Variants in SLC15A2 observed in about 807,000 individuals in gnomAD.
The protein encoded by SLC15A2 is solute carrier family 15 member 2.
A neutral mutation model predicts 95.5 loss-of-function variants in SLC15A2; 77 were observed. That is an observed-to-expected ratio of 0.81 (90% CI 0.67 to 0.97). The LOEUF is 0.97. SLC15A2 is among the 50% of genes least tolerant of loss of function. The pLI is 0.00. For missense variants in SLC15A2, 893 were observed against 874.4 expected (o/e 1.02, Z -0.27); for synonymous variants, 306 against 306.9 (o/e 1.00, Z 0.03).
intron 19 of SLC15A2, among the ~76,000 whole-genome samples, chr3:121,932,909 C>A (rs561257504): frequency 2.0e-5 from 3 of 152,110 alleles, no homozygotes; most frequent in Non-Finnish European, 4.4e-5. Flanking sequence ...TATCCCTCCC[C>A]CCTCCGCGCA....
intron 1 of SLC15A2, 59 bp from the exon 2 acceptor site, chr3:121,896,347 T>C: frequency 1.0e-5 from 14 of 1,351,028 alleles, no homozygotes; most frequent in Non-Finnish European, 1.5e-5. Context: ...TGAAGAAATC[T>C]AATTGTTGAA....
intron 13 of SLC15A2, among the ~76,000 whole-genome samples, chr3:121,925,258 ATGG>A (rs35032381): frequency 0.45 from 67,511 of 151,622 alleles, 15,537 homozygotes; most frequent in East Asian, 0.69. Context: ...TAACTGTGTA[ATGG>A]TGGTGGAGGG....
At chr3:121,921,957 A>C (rs1052954513) in intron 7 of SLC15A2, among the ~76,000 whole-genome samples, 1 of 152,220 alleles carries the variant, frequency 6.6e-6, no homozygotes, top group African/African-American at 2.4e-5. Context: ...TTAACAACAT[A>C]CCATTTTGTC....
chr3:121,914,169 T>A (rs1328464734), intron 5 of SLC15A2, among the ~76,000 whole-genome samples: 2 of 152,160 alleles, frequency 1.3e-5, no homozygotes, highest in Non-Finnish European at 2.9e-5. Flanking sequence ...GCAAGTGGGA[T>A]CCTGTGTATG....
At chr3:121,930,770 A>T (rs1254596132) in intron 17 of SLC15A2, 70 bp from the exon 18 acceptor site, 7 of 977,350 alleles carry the variant, frequency 7.2e-6, no homozygotes, top group Non-Finnish European at 1.1e-5. Flanking sequence ...CCCAAAACAT[A>T]AAAGGCCCCT....
At chr3:121,926,334 G>C (rs559512096) in intron 13 of SLC15A2, among the ~76,000 whole-genome samples, 87 of 152,074 alleles carry the variant, frequency 5.7e-4, no homozygotes, top group Non-Finnish European at 1.1e-3. Context: ...CTATCCCGTT[G>C]GTGCTGTCCT....
intron 5 of SLC15A2, 35 bp from the exon 6 acceptor site, chr3:121,915,192 C>A: frequency 6.7e-7 from 1 of 1,488,308 alleles, no homozygotes; most frequent in Non-Finnish European, 9.4e-7. Flanking sequence ...AGCTAGGGGA[C>A]ACATTGCACT....
chr3:121,940,478 GC>G lies in SLC15A2; in HGVS notation c.2005del (p.Leu669TrpfsTer16). The G allele has an allele frequency of 6.2e-7, 1 of 1,613,208 alleles. No individual in the cohort carries two copies. The highest frequency in any genetic ancestry group is 8.5e-7 in the Non-Finnish European group (1 of 1,179,204). Reference sequence around the variant, plus strand: ...GTGCTTGTTGTGGCACAGTTCAGTGGCCTGGTACAGGTATGGATCTGAGGGA... The same window carrying G: ...GTGCTTGTTGTGGCACAGTTCAGTGGCTGGTACAGGTATGGATCTGAGGGA... Reference protein sequence around the residue: ...IIVLVVAQFSGLVQWAEFILF... With the variant: ...IIVLVVAQFSXLVQWAEFILF... On this transcript the variant is annotated frameshift_variant, in exon 21 of 22. Transcript: ENST00000489711. LOFTEE classifies it high-confidence loss of function.
At chr3:121,905,370 T>C (rs1709614510) in intron 3 of SLC15A2, among the ~76,000 whole-genome samples, 1 of 152,208 alleles carries the variant, frequency 6.6e-6, no homozygotes, top group African/African-American at 2.4e-5. Flanking sequence ...CTGATCTTAG[T>C]TATTTCTTGC....
At chr3:121,895,760 A>G (rs1709403541) in intron 1 of SLC15A2, among the ~76,000 whole-genome samples, 1 of 152,248 alleles carries the variant, frequency 6.6e-6, no homozygotes. Flanking sequence ...CAGTAGGATT[A>G]TCATGAAAAT....
chr3:121,940,327 T>C (rs1710436264), intron 20 of SLC15A2, 57 bp from the exon 21 acceptor site: 3 of 1,314,566 alleles, frequency 2.3e-6, no homozygotes, highest in Admixed American at 1.7e-5. Flanking sequence ...CCTGGATGCA[T>C]GGGGCATGAG....
intron 5 of SLC15A2, chr3:121,915,022 C>G (rs1031913333): frequency 1.6e-5 from 21 of 1,340,530 alleles, no homozygotes; most frequent in African/African-American, 4.5e-5. Flanking sequence ...AATGCTAAAG[C>G]TGCTCTGGAG....
At chr3:121,921,335 G>A (rs1376852806) in intron 7 of SLC15A2, among the ~76,000 whole-genome samples, 3 of 152,194 alleles carry the variant, frequency 2.0e-5, no homozygotes, top group Non-Finnish European at 1.5e-5. Context: ...AGTATGTGGT[G>A]TAAGAATTAG....
chr3:121,915,826 G>T (rs983236784), intron 7 of SLC15A2, 133 bp downstream of exon 7: 9 of 591,038 alleles, frequency 1.5e-5, no homozygotes, highest in Non-Finnish European at 2.7e-5. Context: ...TATTGTAAGG[G>T]TTTCCCCTCA....
chr3:121,932,082 T>C (rs1194620310), intron 19 of SLC15A2, among the ~76,000 whole-genome samples: 2 of 152,056 alleles, frequency 1.3e-5, no homozygotes, highest in African/African-American at 4.8e-5. Flanking sequence ...TTTTGTATTT[T>C]TAGTAGAGAT....
intron 19 of SLC15A2, among the ~76,000 whole-genome samples, chr3:121,938,020 GGC>G (rs1710382417): frequency 6.6e-6 from 1 of 151,018 alleles, no homozygotes; most frequent in African/African-American, 2.5e-5. Context: ...TGGAGTACCT[GGC>G]CATGTGAGGT....
chr3:121,928,350 T>A, intron 14 of SLC15A2, 71 bp from the exon 15 acceptor site: 1 of 1,508,210 alleles, frequency 6.6e-7, no homozygotes, highest in Non-Finnish European at 9.0e-7. Context: ...CAGAAACAAC[T>A]GAGATATGTG....
chr3:121,925,844 G>A (rs1376393508), intron 13 of SLC15A2, among the ~76,000 whole-genome samples: 2 of 141,026 alleles, frequency 1.4e-5, no homozygotes, highest in African/African-American at 5.2e-5. Context: ...GTGCCAAGGA[G>A]AGGTAGAAAA....
In SLC15A2 at chr3:121,929,098, G is replaced by C; in HGVS notation, c.1458G>C (p.Trp486Cys). The change falls in exon 16 of 22, where the codon TGG (tryptophan) becomes TGC (cysteine). Residue 486 changes from tryptophan (W) to cysteine (C), a missense_variant. Coordinates refer to ENST00000489711, the MANE Select transcript of SLC15A2 (RefSeq NM_021082.4). ...AGCATTCTGTGCAGGAGAAGAACTG[G>C]TACAGTCTTGTCATTCGTGAAGATG... ...YTEHSVQEKN[W>C]YSLVIREDGN... is the part of the protein sequence containing the mutation. 1 of 1,613,992 alleles carries C rather than the reference G, an allele frequency of 6.2e-7. No individual in the cohort carries two copies.
Sources: gnomAD v4.1 joint callset for allele counts (sites outside exome capture counted in the v4.1 genomes callset) on GRCh38, gnomAD v4.1.1 for gene constraint, MANE v1.5 for transcripts, NCBI Gene and HGNC (gene_info 2026-07-23, HGNC 2026-07-21) for gene names.